The following MAPK8IP2 variants were observed in gnomAD, a reference collection of about 807,000 sequenced individuals.
MAPK8IP2 encodes C-Jun-amino-terminal kinase-interacting protein 2.
MAPK8IP2 carries 15 observed loss-of-function variants against 75.6 expected under a neutral mutation model. That is an observed-to-expected ratio of 0.20 (90% CI 0.13 to 0.31). The LOEUF (loss-of-function observed/expected upper bound fraction) is 0.31, where lower values mean the gene tolerates loss of function less well. MAPK8IP2 is among the 10% of genes least tolerant of loss of function. The pLI, the probability that MAPK8IP2 is intolerant of heterozygous loss-of-function variation, is 1.00. For synonymous variants in MAPK8IP2, 632 were observed against 554.5 expected (o/e 1.14, Z -1.96); for missense variants, 1,089 against 1,211.2 (o/e 0.90, Z 1.50).
rs748357462 is a variant in MAPK8IP2, at chr22:50,610,336, G to T, written c.2402+26G>T. On this transcript the variant is annotated intron_variant, in intron 11 of 11. Transcript: ENST00000329492. This position sits in a 1 kb window ranked among gnomAD's most constrained non-coding sequence, Gnocchi z 4.3. ...GTGAGTGGGGCCCCAGGGTGTGGGT[G>T]CAGAATGGGTGCAGGGTTACGGAGG... is the stretch of plus-strand genomic sequence containing the variant. 1 of 1,568,030 alleles carries T rather than the reference G, an allele frequency of 6.4e-7. No homozygotes were observed. The highest frequency in any genetic ancestry group is 1.2e-5 in the South Asian group (1 of 86,644).
At position 50,603,204 on chromosome 22, in the gene MAPK8IP2, A is replaced by T. The variant is rs375457586; in HGVS notation, c.172-19A>T. On this transcript the variant is annotated intron_variant, in intron 2 of 11. Transcript: ENST00000329492. Reference sequence around the variant, plus strand: ...TGCTGCCCTCTGGCCCAGCCCTGCTATCTCCCTCCGTCCTGCAGGACAGCC... The same window carrying T: ...TGCTGCCCTCTGGCCCAGCCCTGCTTTCTCCCTCCGTCCTGCAGGACAGCC... 2 of 1,611,450 alleles carry T rather than the reference A, an allele frequency of 1.2e-6. No individual in the cohort carries two copies. The highest frequency in any genetic ancestry group is 1.7e-6 in the Non-Finnish European group (2 of 1,179,512).
In MAPK8IP2 at chr22:50,605,716, C is replaced by G. The variant is rs755749693; in HGVS notation, c.1996C>G (p.Pro666Ala). 2 of 1,609,282 alleles carry G rather than the reference C, an allele frequency of 1.2e-6. No homozygotes were observed. Among genetic ancestry groups the G allele is most frequent in the Non-Finnish European group, 1.7e-6 (2 of 1,178,078 alleles). The part of the protein sequence containing the change: ...PAFYAHAVPG[P>A]AKDLLGSKRS... ...CTTCTACGCCCATGCGGTGCCCGGCCCTGCCAAGGACCTGCTGGGTGAGGT... is the reference window on the plus strand; with the variant it reads ...CTTCTACGCCCATGCGGTGCCCGGCGCTGCCAAGGACCTGCTGGGTGAGGT... Residue 666 changes from proline to alanine, a missense_variant, in exon 7 of 12, where the codon CCT (proline) becomes GCT (alanine). By Grantham distance (27) the Pro-to-Ala change is conservative. Transcript: ENST00000329492.
At chr22:50,606,092 C>A (rs928463577) in intron 8 of MAPK8IP2, among the ~76,000 whole-genome samples, 158 bp downstream of exon 8, 1 of 152,204 alleles carries the variant, frequency 6.6e-6, no homozygotes, top group Non-Finnish European at 1.5e-5. Context: ...GGTGGGTACC[C>A]CAGGCCCTGG....
chr22:50,601,812 A>G lies in MAPK8IP2; in HGVS notation c.89A>G (p.Glu30Gly). 1.2e-6 allele frequency: 2 copies of G among 1,613,838 alleles called. No homozygotes were observed. The highest frequency in any genetic ancestry group is 1.7e-6 in the Non-Finnish European group (2 of 1,179,820). Reference protein sequence around the residue: ...GCRPPQDISLEEFDDEDLSEI... With the variant: ...GCRPPQDISLGEFDDEDLSEI... ...AGGCCTCCCCAGGACATAAGCCTGG[A>G]AGAATTTGACGACGAAGATCTGTCT... The change falls in exon 2 of 12, where the codon GAA (glutamate) becomes GGA (glycine). Residue 30 changes from glutamate to glycine, a missense_variant. By Grantham distance (98) the Glu-to-Gly change is moderately conservative (BLOSUM62 -2). Transcript: ENST00000329492.
Position 50,604,944 on chromosome 22 carries a change from G to T in MAPK8IP2, c.1645G>T (p.Ala549Ser), listed in dbSNP as rs753241897. ...DSGGEASEEEAGAALLGGGQV... is the reference protein window; with the variant it reads ...DSGGEASEEESGAALLGGGQV... ...CGGCGGGGAGGCCAGCGAGGAGGAGGCGGGCGCGGCGCTGCTAGGCGGCGG... is the reference window on the plus strand; with the variant it reads ...CGGCGGGGAGGCCAGCGAGGAGGAGTCGGGCGCGGCGCTGCTAGGCGGCGG... Residue 549 changes from alanine (A) to serine (S), a missense_variant, in exon 5 of 12, where the codon GCG (alanine) becomes TCG (serine). This residue lies in a region of MAPK8IP2 where 960 missense variants were observed against 1,009.6 expected (regional missense o/e 0.95). Coordinates refer to ENST00000329492, the MANE Select transcript of MAPK8IP2 (RefSeq NM_012324.6). The T allele has an allele frequency of 1.4e-5, 22 of 1,610,924 alleles. No individual in the cohort carries two copies. The highest frequency in any genetic ancestry group is 1.7e-5 in the Admixed American group (1 of 59,894).
Position 50,605,333 on chromosome 22 carries a change from TGTCTCCCCCGCCTCTGTCCTGCCGG to T in MAPK8IP2, c.1766-27_1766-3del. 1.3e-6 allele frequency: 2 copies of T among 1,598,202 alleles called. No homozygotes were observed. The highest frequency in any genetic ancestry group is 1.7e-6 in the Non-Finnish European group (2 of 1,168,630). ...AAGCACTACTCTGACTCTGTCTCCCTGTCTCCCCCGCCTCTGTCCTGCCGGGTCTCCCAGGCACCGAGTCCTTTGG... is the reference window on the plus strand; with the variant it reads ...AAGCACTACTCTGACTCTGTCTCCCTGTCTCCCAGGCACCGAGTCCTTTGG... On this transcript the variant is annotated splice_polypyrimidine_tract_variant and intron_variant, in intron 5 of 11. Transcript: ENST00000329492.
rs756133406 is a variant in MAPK8IP2 at position 50,604,017 on chromosome 22, C to T, written c.718C>T (p.Arg240Cys). ...CCTGAGAAGCCGCTCGAGCGGCGGC[C>T]GCGGGGGACGTCGCAGCAGCCAGGA... is the stretch of plus-strand genomic sequence containing the variant. ...ADLRSRSSGG[R>C]GGRRSSQELS... is the part of the protein sequence containing the mutation. The change falls in exon 5 of 12, where the codon CGC becomes TGC. Residue 240 changes from arginine (R) to cysteine (C), a missense_variant. Physicochemically the swap from Arg to Cys is radical, Grantham distance 180. Around this residue, in one of 2 missense-constraint regions of MAPK8IP2, gnomAD observed 960 missense variants for 1,009.6 expected, o/e 0.95. Transcript: ENST00000329492. The T allele has an allele frequency of 1.7e-4, 263 of 1,553,420 alleles. No homozygotes were observed. The highest frequency in any genetic ancestry group is 1.9e-5 in the Admixed American group (1 of 52,730).
chr22:50,607,070 G>T lies in MAPK8IP2; in HGVS notation c.2303+79G>T. On this transcript the variant is annotated intron_variant, in intron 10 of 11. Coordinates refer to ENST00000329492, the MANE Select transcript of MAPK8IP2 (RefSeq NM_012324.6). This position sits in a 1 kb window ranked among gnomAD's most constrained non-coding sequence, Gnocchi z 5.6. ...TCCAACCGCCCCCTGAGTCCCCACA[G>T]ACCCTGAGGGCTGCCCGTGCCCAGC... 8.6e-7 allele frequency: 1 copy of T among 1,168,024 alleles called. No homozygotes were observed. The allele number at this position is 1,168,024 out of a possible 1,614,324, so 72.4% of individuals were successfully genotyped here.
chr22:50,610,833 G>C lies in MAPK8IP2; in HGVS notation c.*54G>C. 1.3e-6 allele frequency: 2 copies of C among 1,489,262 alleles called. No individual in the cohort carries two copies. Among genetic ancestry groups the C allele is most frequent in the Non-Finnish European group, 1.8e-6 (2 of 1,094,374 alleles). The allele number at this position is 1,489,262 out of a possible 1,614,324, so 92.3% of individuals were successfully genotyped here. The stretch of plus-strand genomic sequence containing the variant: ...CTGCTCCAGGCGCAGCTGGGGCTGA[G>C]GATGTCTCAAGAGGCCACCATGGCT... On this transcript the variant is annotated 3_prime_UTR_variant, in exon 12 of 12. Transcript: ENST00000329492. The surrounding 1 kb of genome is among the most constrained non-coding windows in gnomAD (Gnocchi z 4.3).
chr22:50,601,912 G>A lies in MAPK8IP2; in HGVS notation c.171+18G>A. 1 of 1,596,350 alleles carries A rather than the reference G, an allele frequency of 6.3e-7. No homozygotes were observed. Among genetic ancestry groups the A allele is most frequent in the Non-Finnish European group, 8.6e-7 (1 of 1,163,918 alleles). ...GTGAGAAGGTGGGAGAAGAGTTGGGGACACAGATCCAGCTCAAGGGAGGGC... is the reference window on the plus strand; with the variant it reads ...GTGAGAAGGTGGGAGAAGAGTTGGGAACACAGATCCAGCTCAAGGGAGGGC... On this transcript the variant is annotated intron_variant, in intron 2 of 11. Coordinates refer to ENST00000329492, the MANE Select transcript of MAPK8IP2 (RefSeq NM_012324.6).
rs1401230326 is a variant in MAPK8IP2 at position 50,601,771 on chromosome 22, C to T, written c.66-18C>T. On this transcript the variant is annotated intron_variant, in intron 1 of 11. Transcript: ENST00000329492. Reference sequence around the variant, plus strand: ...GAGTCCAGGGTTGGTGGCTCTCTGACCCTGGTCTCCTTTCCAGGCCTCCCC... The same window carrying T: ...GAGTCCAGGGTTGGTGGCTCTCTGATCCTGGTCTCCTTTCCAGGCCTCCCC... 12 of 1,605,846 alleles carry T rather than the reference C, an allele frequency of 7.5e-6. No homozygotes were observed. Among genetic ancestry groups the T allele is most frequent in the Non-Finnish European group, 9.4e-6 (11 of 1,173,298 alleles).
Position 50,602,709 on chromosome 22 carries a change from C to T in MAPK8IP2, c.172-514C>T, listed in dbSNP as rs550114799. Among the ~76,000 whole-genome samples the T allele has an allele frequency of 1.2e-4, 18 of 152,244 alleles. 2 individuals are homozygous for T. In the South Asian group the frequency reaches 2.9e-3, roughly 25 times the overall value. ...ACTGTGCCAATGGCCCTGGGGTTGG[C>T]GCAAAGTTGGTGAATCCTCAGAGTG... On this transcript the variant is annotated intron_variant, in intron 2 of 11. Coordinates refer to ENST00000329492, the MANE Select transcript of MAPK8IP2 (RefSeq NM_012324.6).
chr22:50,603,106 G>A, intron 2 of MAPK8IP2, 117 bp from the exon 3 acceptor site: 1 of 1,580,450 alleles, frequency 6.3e-7, no homozygotes, highest in Non-Finnish European at 8.6e-7. Context: ...GGGGCAGAGT[G>A]AGCTGGAAGG....
At chr22:50,605,260 A>G in intron 5 of MAPK8IP2, 108 bp from the exon 6 acceptor site, 4 of 1,175,060 alleles carry the variant, frequency 3.4e-6, no homozygotes, top group Non-Finnish European at 4.9e-6. Flanking sequence ...TAGGACACCT[A>G]CACCGGACTG....
chr22:50,604,061 C>T lies in MAPK8IP2; in HGVS notation c.762C>T (p.Ser254=), dbSNP rs1184152891. 4 of 1,542,968 alleles carry T rather than the reference C, an allele frequency of 2.6e-6. No homozygotes were observed. Among genetic ancestry groups the T allele is most frequent in the East Asian group, 2.4e-5 (1 of 40,830 alleles). Residue 254 remains serine, a synonymous_variant, in exon 5 of 12, where the codon TCC becomes TCT. Coordinates refer to ENST00000329492, the MANE Select transcript of MAPK8IP2 (RefSeq NM_012324.6). ...RSSQELSSPG[S]DSEDAGGARL... ...GCCAGGAGCTGTCCTCGCCCGGCTC[C>T]GACTCGGAGGACGCGGGCGGCGCGC...
intron 5 of MAPK8IP2, 65 bp from the exon 6 acceptor site, chr22:50,605,303 C>T: frequency 6.7e-7 from 1 of 1,489,290 alleles, no homozygotes; most frequent in Non-Finnish European, 9.3e-7. Context: ...CAAGGCCAGG[C>T]CTCTAAGCAC....
Position 50,604,157 on chromosome 22 carries a change from C to A in MAPK8IP2, c.858C>A (p.Ser286Arg). 6.4e-7 allele frequency: 1 copy of A among 1,552,316 alleles called. No homozygotes were observed. The highest frequency in any genetic ancestry group is 8.6e-7 in the Non-Finnish European group (1 of 1,157,842). Reference sequence around the variant, plus strand: ...TGAGCAGCGATGGCGGAAGCAGCAGCAGCGGCCGCTCCTCGCACCTCACCA... The same window carrying A: ...TGAGCAGCGATGGCGGAAGCAGCAGAAGCGGCCGCTCCTCGCACCTCACCA... ...LELSSDGGSS[S>R]SGRSSHLTNS... Residue 286 changes from serine to arginine, a missense_variant, in exon 5 of 12, where the codon AGC becomes AGA. Coordinates refer to ENST00000329492, the MANE Select transcript of MAPK8IP2 (RefSeq NM_012324.6).
chr22:50,609,103 G>T (rs906416190), intron 10 of MAPK8IP2, among the ~76,000 whole-genome samples: 1 of 152,158 alleles, frequency 6.6e-6, no homozygotes, highest in South Asian at 2.1e-4. Flanking sequence ...CCCCGTCCCC[G>T]GTCCCTTGCC....
In MAPK8IP2 at chr22:50,603,955, G is replaced by A. The variant is rs1388845373; in HGVS notation, c.656G>A (p.Gly219Glu). The change falls in exon 5 of 12, where the codon GGG (glycine) becomes GAG (glutamate). Residue 219 changes from glycine (G) to glutamate (E), a missense_variant. By Grantham distance (98) the Gly-to-Glu change is moderately conservative (BLOSUM62 -2). This residue lies in a region of MAPK8IP2 where 960 missense variants were observed against 1,009.6 expected (regional missense o/e 0.95). Coordinates refer to ENST00000329492, the MANE Select transcript of MAPK8IP2 (RefSeq NM_012324.6). ...NRPAEPPAPG[G>E]TSPSSDPGIE... is the part of the protein sequence containing the mutation. The stretch of plus-strand genomic sequence containing the variant: ...CCTGCGGAACCCCCTGCGCCAGGGG[G>A]GACTTCGCCCTCCTCAGATCCCGGC... The A allele has an allele frequency of 1.9e-6, 3 of 1,549,358 alleles. No individual in the cohort carries two copies. The highest frequency in any genetic ancestry group is 1.7e-6 in the Non-Finnish European group (2 of 1,152,924).
Sources: allele counts gnomAD v4.1 joint callset (sites outside exome capture counted in the v4.1 genomes callset), GRCh38; gene constraint gnomAD v4.1.1; regional missense constraint gnomAD v4.1.1; non-coding constraint Gnocchi (gnomAD v3.1); transcripts MANE v1.5; gene names NCBI Gene and HGNC (gene_info 2026-07-23, HGNC 2026-07-21).